NRCAM: variants seen among roughly 807,000 people sequenced by gnomAD.
NRCAM encodes neuronal cell adhesion molecule, also known as NgCAM-related cell adhesion molecule.
A neutral mutation model predicts 156.5 loss-of-function variants in NRCAM; 83 were observed. That is an observed-to-expected ratio of 0.53 (90% CI 0.44 to 0.64). The LOEUF (loss-of-function observed/expected upper bound fraction) is 0.64. Ranked by LOEUF, NRCAM falls within the 30% of genes least tolerant of loss-of-function variation. The probability of loss-of-function intolerance (pLI) is 0.00; values close to 1 mark genes in which losing one functional copy is unlikely to be tolerated. For synonymous variants in NRCAM, 538 were observed against 563.9 expected (o/e 0.95, Z 0.65); for missense variants, 1,417 against 1,597.3 (o/e 0.89, Z 1.92).
Position 108,363,046 on chromosome 7 carries a change from C to G in NRCAM, c.-174+36390G>C, listed in dbSNP as rs955843627. ...AAAACATCAGGATGAGAGAATGCCA[C>G]AGAGACATGGGAGCCAATTGAAAGA... On this transcript the variant is annotated intron_variant, in intron 2 of 32. Transcript: ENST00000379028. Among the ~76,000 whole-genome samples the G allele has an allele frequency of 3.9e-5, 6 of 152,236 alleles. No individual in the cohort carries two copies. The East Asian group carries it at 1.2e-3, about 29-fold the overall frequency.
At chr7:108,378,862 G>A (rs1274148325) in intron 2 of NRCAM, among the ~76,000 whole-genome samples, 1 of 151,630 alleles carries the variant, frequency 6.6e-6, no homozygotes, top group African/African-American at 2.4e-5. Flanking sequence ...AACGGAGAAA[G>A]ACAAAGGAGA....
chr7:108,258,965 T>C (rs1300288663), intron 3 of NRCAM, among the ~76,000 whole-genome samples: 1 of 152,228 alleles, frequency 6.6e-6, no homozygotes, highest in South Asian at 2.1e-4. Context: ...CAAATGTGGC[T>C]ACTTACATTC....
chr7:108,405,024 T>C (rs1307933739), intron 1 of NRCAM, among the ~76,000 whole-genome samples: 1 of 152,214 alleles, frequency 6.6e-6, no homozygotes, highest in African/African-American at 2.4e-5. Context: ...GCTATGACTA[T>C]GGATGTGTGA....
chr7:108,170,552 C>A (rs1337974810), intron 28 of NRCAM, among the ~76,000 whole-genome samples: 1 of 152,174 alleles, frequency 6.6e-6, no homozygotes, highest in East Asian at 1.9e-4. Context: ...CTAGAAACTC[C>A]CTGCTTCGAG....
chr7:108,415,862 G>GC (rs1184153455), intron 1 of NRCAM, among the ~76,000 whole-genome samples: 1 of 152,160 alleles, frequency 6.6e-6, no homozygotes, highest in Non-Finnish European at 1.5e-5. Context: ...AGCCTGGGCA[G>GC]CAAGAGCAAA....
intron 3 of NRCAM, among the ~76,000 whole-genome samples, chr7:108,266,906 C>CTCTTACAA (rs113774934): frequency 6.6e-6 from 1 of 151,794 alleles, no homozygotes; most frequent in South Asian, 2.1e-4. Context: ...GATTTTACCC[C>CTCTTACAA]GCTAACAAGT....
At position 108,160,460 on chromosome 7, in the gene NRCAM, G is replaced by A; in HGVS notation, c.3499C>T (p.Gln1167Ter). The A allele has an allele frequency of 1.2e-6, 2 of 1,613,616 alleles. No homozygotes were observed. Among genetic ancestry groups the A allele is most frequent in the Non-Finnish European group, 1.7e-6 (2 of 1,179,710 alleles). Residue 1167 changes from glutamine (Q) to a stop codon, truncating the protein, a stop_gained, in exon 31 of 33, where the codon CAG (glutamine) becomes TAG (stop). Transcript: ENST00000379028. LOFTEE classifies it high-confidence loss of function. ...CACATCAGACCAATGAACCAGCCCT[G>A]AGTTGCAATATCCACCTGCCGGCTT... Reference protein sequence around the residue: ...MASRQVDIATQGWFIGLMCAV... With the variant: ...MASRQVDIAT
chr7:108,168,471 G>A (rs1178149486), intron 28 of NRCAM, 69 bp from the exon 29 acceptor site: 6 of 1,293,660 alleles, frequency 4.6e-6, no homozygotes, highest in Non-Finnish European at 6.1e-6. Flanking sequence ...TATAAAATAA[G>A]TTTAAATACT....
chr7:108,400,811 A>G (rs2099790321), intron 1 of NRCAM, among the ~76,000 whole-genome samples: 1 of 152,068 alleles, frequency 6.6e-6, no homozygotes, highest in African/African-American at 2.4e-5. Flanking sequence ...TCTAGGGAGG[A>G]GAAAGCCAGA....
At position 108,335,487 on chromosome 7, in the gene NRCAM, G is replaced by GGCT. The variant is rs1425939769; in HGVS notation, c.-173-22759_-173-22757dup. On this transcript the variant is annotated intron_variant, in intron 2 of 32. Coordinates refer to ENST00000379028, the MANE Select transcript of NRCAM (RefSeq NM_001037132.4). The stretch of plus-strand genomic sequence containing the variant: ...GTTTTCACTGCAAAGACAAGTGGCT[G>GGCT]GCTGGCTGGCTGCCAACTAAGGGAG... Among the ~76,000 whole-genome samples the GGCT allele has an allele frequency of 2.4e-5, 3 of 125,748 alleles. No homozygotes were observed. The East Asian group carries it at 7.7e-4, about 32-fold the overall frequency. 82.5% of individuals were successfully genotyped at this position (125,748 alleles called of 152,430 possible).
intron 3 of NRCAM, among the ~76,000 whole-genome samples, chr7:108,269,512 G>A (rs981127558): frequency 4.4e-4 from 67 of 152,254 alleles, no homozygotes; most frequent in African/African-American, 1.6e-3. Flanking sequence ...AGAAGGAAGG[G>A]TCTCACTGGG....
chr7:108,284,074 A>G (rs2097970227), intron 3 of NRCAM, among the ~76,000 whole-genome samples: 1 of 151,998 alleles, frequency 6.6e-6, no homozygotes, highest in Non-Finnish European at 1.5e-5. Flanking sequence ...CTCAAATCCC[A>G]GCCTCCCAAA....
chr7:108,196,559 C>T (rs573943440), intron 14 of NRCAM, among the ~76,000 whole-genome samples: 57 of 152,210 alleles, frequency 3.7e-4, no homozygotes, highest in African/African-American at 1.3e-3. Flanking sequence ...GATATACAAA[C>T]AGCCAACAGG....
intron 30 of NRCAM, among the ~76,000 whole-genome samples, chr7:108,164,183 G>A (rs573225435): frequency 3.0e-4 from 43 of 142,592 alleles, no homozygotes; most frequent in African/African-American, 1.1e-3. Flanking sequence ...GTGGGGTAAT[G>A]AGAGGTCATA....
At chr7:108,320,839 C>T (rs1450940214) in intron 2 of NRCAM, among the ~76,000 whole-genome samples, 1 of 152,156 alleles carries the variant, frequency 6.6e-6, no homozygotes, top group Non-Finnish European at 1.5e-5. Context: ...TGTGTGCTAA[C>T]AGAAAATATA....
chr7:108,158,707 G>T (rs977436030), intron 32 of NRCAM, among the ~76,000 whole-genome samples: 2 of 152,050 alleles, frequency 1.3e-5, no homozygotes, highest in African/African-American at 2.4e-5. Context: ...TTTTAAAAAG[G>T]TATACTTTTA....
intron 3 of NRCAM, among the ~76,000 whole-genome samples, chr7:108,306,097 T>C (rs2098710911): frequency 6.6e-6 from 1 of 152,188 alleles, no homozygotes; most frequent in Non-Finnish European, 1.5e-5. Context: ...TAACAGAAGT[T>C]ATGTATTCTG....
chr7:108,261,831 T>G (rs1239018765), intron 3 of NRCAM, among the ~76,000 whole-genome samples: 1 of 152,106 alleles, frequency 6.6e-6, no homozygotes, highest in South Asian at 2.1e-4. Context: ...CACTCTGCAC[T>G]CAAGCACAAC....
chr7:108,372,405 A>G (rs755400546), intron 2 of NRCAM, among the ~76,000 whole-genome samples: 1 of 152,268 alleles, frequency 6.6e-6, no homozygotes, highest in East Asian at 1.9e-4. Flanking sequence ...GAAATTATCA[A>G]TAGAGTTAAA....
Sources: gnomAD v4.1 joint callset for allele counts (sites outside exome capture counted in the v4.1 genomes callset) on GRCh38, gnomAD v4.1.1 for gene constraint, MANE v1.5 for transcripts, NCBI Gene and HGNC (gene_info 2026-07-23, HGNC 2026-07-21) for gene names.